The following ROBO1 variants were observed in gnomAD, a reference collection of about 807,000 sequenced individuals.
ROBO1 encodes the protein roundabout guidance receptor 1.
In ROBO1, 149 loss-of-function variants were observed where a neutral mutation model predicts 195.9. The observed-to-expected ratio is 0.76, with a 90% confidence interval of 0.67 to 0.87. ROBO1 has a LOEUF of 0.87. Ranked by LOEUF, ROBO1 falls within the 40% of genes least tolerant of loss-of-function variation. The pLI is 0.00. For synonymous variants in ROBO1, 816 were observed against 733.2 expected (o/e 1.11, Z -1.82); for missense variants, 1,933 against 2,068.3 (o/e 0.93, Z 1.27).
chr3:79,205,035 T>C (rs988880958), intron 2 of ROBO1, among the ~76,000 whole-genome samples: 1 of 152,056 alleles, frequency 6.6e-6, no homozygotes, highest in Admixed American at 6.6e-5. Flanking sequence ...CTCTGTCGCC[T>C]AGGCTGGACT....
rs1462210950 is a variant in ROBO1 at position 79,116,371 on chromosome 3, TTTTC to T, written c.172+9081_172+9084del. Among the ~76,000 whole-genome samples the T allele has an allele frequency of 5.1e-4, 77 of 151,188 alleles. 1 individual carries two copies. The highest frequency in any genetic ancestry group is 3.2e-3 in the Admixed American group (48 of 15,178). The stretch of plus-strand genomic sequence containing the variant: ...TTTTTCTTTCTTATTTTTTTCGTTC[TTTTC>T]TTTCTTTCTCTCTCCTTCCTTCCTT... On this transcript the variant is annotated intron_variant, in intron 3 of 30. Coordinates refer to ENST00000464233, the MANE Select transcript of ROBO1 (RefSeq NM_002941.4).
intron 1 of ROBO1, among the ~76,000 whole-genome samples, chr3:79,672,504 C>T (rs528690770): frequency 1.3e-5 from 2 of 151,906 alleles, no homozygotes; most frequent in South Asian, 4.2e-4. Flanking sequence ...GTAGGGTATA[C>T]GAATTAATCT....
intron 16 of ROBO1, chr3:78,660,014 G>A (rs1416766955): frequency 4.5e-5 from 14 of 314,346 alleles, no homozygotes; most frequent in South Asian, 4.1e-4. Flanking sequence ...TCCCCCTCCC[G>A]GGTTCAAGCG....
At chr3:79,700,247 A>T (rs913090837) in intron 1 of ROBO1, among the ~76,000 whole-genome samples, 1 of 149,516 alleles carries the variant, frequency 6.7e-6, no homozygotes, top group Non-Finnish European at 1.5e-5. Context: ...AGCTAGGTTG[A>T]TTTCATGTCT....
intron 2 of ROBO1, among the ~76,000 whole-genome samples, chr3:79,138,309 A>T (rs2080456308): frequency 6.6e-6 from 1 of 152,034 alleles, no homozygotes; most frequent in Non-Finnish European, 1.5e-5. Context: ...TTGTTGAATG[A>T]CTAGATGAAA....
chr3:79,690,818 A>G (rs543764984), intron 1 of ROBO1, among the ~76,000 whole-genome samples: 1 of 151,974 alleles, frequency 6.6e-6, no homozygotes, highest in South Asian at 2.1e-4. Context: ...TCCATCTCTT[A>G]ACATAATTTG....
chr3:78,644,163 G>GT (rs540955255), intron 21 of ROBO1, among the ~76,000 whole-genome samples: 18 of 152,082 alleles, frequency 1.2e-4, no homozygotes, highest in East Asian at 1.2e-3. Context: ...ACACACATCC[G>GT]TAAGTGGCTA....
chr3:79,276,667 C>T (rs2031059601), intron 2 of ROBO1, among the ~76,000 whole-genome samples: 1 of 151,806 alleles, frequency 6.6e-6, no homozygotes. Flanking sequence ...AAGAAACAAT[C>T]AACAAAATGA....
intron 22 of ROBO1, among the ~76,000 whole-genome samples, chr3:78,636,428 T>C (rs983201702): frequency 2.0e-5 from 3 of 152,138 alleles, no homozygotes; most frequent in African/African-American, 7.2e-5. Context: ...TAAAATAATA[T>C]ATACATGTAT....
At chr3:78,832,883 C>T (rs1157872446) in intron 4 of ROBO1, among the ~76,000 whole-genome samples, 1 of 151,988 alleles carries the variant, frequency 6.6e-6, no homozygotes, top group Non-Finnish European at 1.5e-5. Flanking sequence ...AGCAGAGAAA[C>T]AAGGTGCTGT....
At chr3:79,649,983 G>C (rs1945953847) in intron 1 of ROBO1, among the ~76,000 whole-genome samples, 1 of 151,918 alleles carries the variant, frequency 6.6e-6, no homozygotes, top group South Asian at 2.1e-4. Flanking sequence ...AAAAAAAATA[G>C]ATAATTATTG....
At chr3:78,675,875 A>C (rs1174710828) in intron 10 of ROBO1, among the ~76,000 whole-genome samples, 1 of 152,098 alleles carries the variant, frequency 6.6e-6, no homozygotes, top group Non-Finnish European at 1.5e-5. Flanking sequence ...TGCCTCCTCA[A>C]GTGGGTCCCT....
chr3:79,724,544 A>G (rs1205572412), intron 1 of ROBO1, among the ~76,000 whole-genome samples: 1 of 152,224 alleles, frequency 6.6e-6, no homozygotes, highest in Non-Finnish European at 1.5e-5. Flanking sequence ...CTTAGCTTTT[A>G]CATGTGATAA....
intron 2 of ROBO1, among the ~76,000 whole-genome samples, chr3:79,568,480 G>GA (rs36032880): frequency 0.042 from 5,668 of 135,332 alleles, 394 homozygotes; most frequent in African/African-American, 0.14. Flanking sequence ...TTTCTACATT[G>GA]AAAAAAAAAA....
intron 3 of ROBO1, among the ~76,000 whole-genome samples, chr3:79,028,585 T>C (rs1221183046): frequency 6.6e-6 from 1 of 151,964 alleles, no homozygotes; most frequent in Non-Finnish European, 1.5e-5. Context: ...AATTTCATTT[T>C]AATTATAGAT....
intron 2 of ROBO1, among the ~76,000 whole-genome samples, chr3:79,514,110 A>G (rs1205581185): frequency 3.9e-5 from 6 of 152,202 alleles, no homozygotes; most frequent in African/African-American, 1.4e-4. Flanking sequence ...AATGAACCAG[A>G]GGATGTGGGG....
chr3:78,843,680 A>G (rs2033445225), intron 4 of ROBO1, among the ~76,000 whole-genome samples: 1 of 152,140 alleles, frequency 6.6e-6, no homozygotes, highest in Admixed American at 6.6e-5. Flanking sequence ...AAATGATACA[A>G]TATACAATGC....
intron 4 of ROBO1, among the ~76,000 whole-genome samples, chr3:78,835,237 A>G (rs987156429): frequency 1.3e-5 from 2 of 152,194 alleles, no homozygotes; most frequent in African/African-American, 4.8e-5. Flanking sequence ...TATGTATTTA[A>G]TAATATTCTC....
chr3:78,685,883 G>C lies in ROBO1; in HGVS notation c.1205C>G (p.Ser402Cys). 1 of 1,604,744 alleles carries C rather than the reference G, an allele frequency of 6.2e-7. No homozygotes were observed. Among genetic ancestry groups the C allele is most frequent in the Non-Finnish European group, 8.5e-7 (1 of 1,174,426 alleles). ...LLFSYQPPQS[S>C]SRFSVSQTGD... ...AGTCTGGGAGACTGAAAATCGGCTG[G>C]ATGACTGTGGTGGTTGATATGAGAA... Residue 402 changes from serine to cysteine, a missense_variant, in exon 10 of 31, where the codon TCC becomes TGC. Transcript: ENST00000464233.
Sources: gnomAD v4.1 joint callset for allele counts (sites outside exome capture counted in the v4.1 genomes callset) on GRCh38, gnomAD v4.1.1 for gene constraint, MANE v1.5 for transcripts, NCBI Gene and HGNC (gene_info 2026-07-23, HGNC 2026-07-21) for gene names.